RPS6KA6: variants seen among roughly 807,000 people sequenced by gnomAD.
RPS6KA6 encodes the protein ribosomal protein S6 kinase A6.
RPS6KA6 carries 27 observed loss-of-function variants against 65.4 expected under a neutral mutation model. The ratio of observed to expected loss-of-function variants is 0.41; its 90% CI spans 0.30 to 0.57. RPS6KA6 has a LOEUF of 0.57. Among genes scored for constraint, RPS6KA6 ranks in the 20% least tolerant of loss-of-function variants. The probability of loss-of-function intolerance (pLI) is 0.24; values close to 1 mark genes in which losing one functional copy is unlikely to be tolerated. For synonymous variants in RPS6KA6, 190 were observed against 184.2 expected, an observed-to-expected ratio of 1.03 and a Z score of -0.26; for missense variants, 486 against 555.6, an observed-to-expected ratio of 0.87 and a Z score of 1.26.
chrX:84,146,317 A>T (rs982416433), intron 5 of RPS6KA6, among the ~76,000 whole-genome samples: 1 of 111,887 alleles, frequency 8.9e-6, no homozygotes, highest in African/African-American at 3.2e-5. Flanking sequence ...ATTTGTCAAA[A>T]TTACACTAAG....
In RPS6KA6 at chrX:84,059,116, T is replaced by C. The variant is rs2033258355; in HGVS notation, c.*5161A>G. 1 of 37,224 alleles carries C rather than the reference T, an allele frequency of 2.7e-5. No individual in the cohort carries two copies. Among genetic ancestry groups the C allele is most frequent in the African/African-American group, 9.7e-5 (1 of 10,288 alleles). The allele number at this position is 37,224 out of a possible 1,213,427, so 3.1% of individuals were successfully genotyped here. On this transcript the variant is annotated 3_prime_UTR_variant, in exon 22 of 22. Transcript: ENST00000262752. ...CTTTTTAAATGGCTGTTTCTTTTCT[T>C]TTTTTTTTTTTTTTTTTTTTTTTTT...
At chrX:84,125,155 G>A (rs1391288667) in intron 8 of RPS6KA6, among the ~76,000 whole-genome samples, 4 of 111,941 alleles carry the variant, frequency 3.6e-5, no homozygotes, top group African/African-American at 9.8e-5. Flanking sequence ...ATGCTAAAGG[G>A]AGTTCTTCAA....
intron 3 of RPS6KA6, among the ~76,000 whole-genome samples, chrX:84,150,871 T>G (rs928589199): frequency 7.1e-5 from 7 of 98,567 alleles, no homozygotes; most frequent in East Asian, 3.1e-4. Context: ...AGGATATATA[T>G]AGGATATATA....
At position 84,120,323 on chromosome X, in the gene RPS6KA6, G is replaced by A. The variant is rs17267233; in HGVS notation, c.647-296C>T. On this transcript the variant is annotated intron_variant, in intron 8 of 21. Coordinates refer to ENST00000262752, the MANE Select transcript of RPS6KA6 (RefSeq NM_014496.5). Reference sequence around the variant, plus strand: ...GAACAACAATTAAATCAAAGCTGCCGTATTGATCTAAGTTTTAAAATAGAC... The same window carrying A: ...GAACAACAATTAAATCAAAGCTGCCATATTGATCTAAGTTTTAAAATAGAC... Among the ~76,000 whole-genome samples, 2,468 of 110,868 alleles carry A rather than the reference G, an allele frequency of 0.022. 236 individuals are homozygous for A. In the East Asian group the frequency reaches 0.45, roughly 20 times the overall value.
chrX:84,086,111 C>A (rs1030328962), intron 20 of RPS6KA6, among the ~76,000 whole-genome samples: 5 of 110,842 alleles, frequency 4.5e-5, no homozygotes, highest in African/African-American at 1.6e-4. Context: ...TAAAAATCAG[C>A]CCCTGGTTTT....
intron 1 of RPS6KA6, among the ~76,000 whole-genome samples, chrX:84,179,431 CA>C (rs2035816943): frequency 9.0e-6 from 1 of 111,503 alleles, no homozygotes; most frequent in African/African-American, 3.3e-5. Flanking sequence ...AACCCAAATC[CA>C]AATGTCCTTC....
chrX:84,168,924 A>C (rs1419283117), intron 1 of RPS6KA6, among the ~76,000 whole-genome samples: 2 of 112,007 alleles, frequency 1.8e-5, no homozygotes, highest in Non-Finnish European at 3.8e-5. Flanking sequence ...CAATATAAGA[A>C]TATTCATCCT....
intron 9 of RPS6KA6, among the ~76,000 whole-genome samples, chrX:84,118,393 G>A (rs745698531): frequency 9.0e-6 from 1 of 111,107 alleles, no homozygotes; most frequent in South Asian, 3.8e-4. Flanking sequence ...AGGAAGGATC[G>A]TATATAGGAC....
At chrX:84,153,447 C>G (rs763107193) in intron 3 of RPS6KA6, among the ~76,000 whole-genome samples, 1 of 111,373 alleles carries the variant, frequency 9.0e-6, no homozygotes, top group Non-Finnish European at 1.9e-5. Flanking sequence ...TAGCATTATA[C>G]TTGGTGTGCT....
At chrX:84,072,692 G>A (rs2033572372) in intron 20 of RPS6KA6, among the ~76,000 whole-genome samples, 1 of 111,933 alleles carries the variant, frequency 8.9e-6, no homozygotes, top group African/African-American at 3.2e-5. Context: ...ACAAAGTGCA[G>A]TAAAGTTGCA....
chrX:84,094,484 A>G (rs1037132656), intron 20 of RPS6KA6, among the ~76,000 whole-genome samples: 3 of 108,003 alleles, frequency 2.8e-5, no homozygotes, highest in African/African-American at 1.0e-4. Context: ...GTACTAAAAA[A>G]AATAAAAAAC....
intron 1 of RPS6KA6, among the ~76,000 whole-genome samples, chrX:84,180,128 C>G (rs1447858947): frequency 9.0e-6 from 1 of 111,502 alleles, no homozygotes; most frequent in Non-Finnish European, 1.9e-5. Flanking sequence ...AAGTTCTGTC[C>G]ACTCTGATCC....
intron 17 of RPS6KA6, among the ~76,000 whole-genome samples, chrX:84,103,161 C>T (rs866689691): frequency 1.7e-4 from 19 of 110,763 alleles, no homozygotes; most frequent in Non-Finnish European, 3.0e-4. Context: ...ATCTGTTATA[C>T]AAAGAACCAA....
In RPS6KA6 at chrX:84,061,300, C is replaced by T. The variant is rs1408533446; in HGVS notation, c.*2977G>A. Reference sequence around the variant, plus strand: ...GCAGTACTATTTTAACATGTTGTTCCAATGGGCAGACATTATAAATACCAA... The same window carrying T: ...GCAGTACTATTTTAACATGTTGTTCTAATGGGCAGACATTATAAATACCAA... On this transcript the variant is annotated 3_prime_UTR_variant, in exon 22 of 22. Coordinates refer to ENST00000262752, the MANE Select transcript of RPS6KA6 (RefSeq NM_014496.5). 2 of 111,938 alleles carry T rather than the reference C, an allele frequency of 1.8e-5. No homozygotes were observed. The highest frequency in any genetic ancestry group is 3.2e-5 in the African/African-American group (1 of 30,784). 9.2% of individuals were successfully genotyped at this position (111,938 alleles called of 1,213,427 possible).
chrX:84,132,877 A>G (rs1406674882), intron 8 of RPS6KA6, among the ~76,000 whole-genome samples: 2 of 107,944 alleles, frequency 1.9e-5, no homozygotes, highest in African/African-American at 6.7e-5. Context: ...TACTAGGTCC[A>G]TTCCTTATGT....
intron 11 of RPS6KA6, 84 bp from the exon 12 acceptor site, chrX:84,116,371 G>T: frequency 2.4e-6 from 1 of 425,165 alleles, no homozygotes; most frequent in Non-Finnish European, 3.9e-6. Flanking sequence ...CTGTAAACAG[G>T]AATACACATA....
At chrX:84,066,270 C>G (rs763079627) in intron 20 of RPS6KA6, among the ~76,000 whole-genome samples, 2 of 106,826 alleles carry the variant, frequency 1.9e-5, no homozygotes, top group Non-Finnish European at 1.9e-5. Context: ...ACCATTCACT[C>G]CTCTGGAAGT....
intron 20 of RPS6KA6, among the ~76,000 whole-genome samples, chrX:84,087,505 G>A (rs2033950791): frequency 9.0e-6 from 1 of 111,500 alleles, no homozygotes; most frequent in African/African-American, 3.3e-5. Flanking sequence ...TGGCTTGTAG[G>A]GTTTCCACAG....
chrX:84,069,662 C>A (rs1462252202), intron 20 of RPS6KA6, among the ~76,000 whole-genome samples: 1 of 111,534 alleles, frequency 9.0e-6, no homozygotes, highest in Admixed American at 9.5e-5. Context: ...TGCAATCTAT[C>A]CATCTGACAA....
Sources: gnomAD v4.1 joint callset for allele counts (sites outside exome capture counted in the v4.1 genomes callset) on GRCh38, gnomAD v4.1.1 for gene constraint, MANE v1.5 for transcripts, NCBI Gene and HGNC (gene_info 2026-07-23, HGNC 2026-07-21) for gene names.